Variants in TADA2B observed in about 807,000 individuals in gnomAD.
The protein encoded by TADA2B is transcriptional adaptor 2B, also known as transcriptional adapter 2-beta.
TADA2B carries 13 observed loss-of-function variants against 34.5 expected under a neutral mutation model. That is an observed-to-expected ratio of 0.38 (90% CI 0.25 to 0.60). The LOEUF (loss-of-function observed/expected upper bound fraction) is 0.60. TADA2B is among the 20% of genes least tolerant of loss of function. TADA2B has a pLI of 0.65. For synonymous variants in TADA2B, 240 were observed against 243.4 expected (o/e 0.99, Z 0.13); for missense variants, 442 against 575.0 (o/e 0.77, Z 2.37).
At chr4:7,051,285 C>T (rs1027620925) in intron 1 of TADA2B, among the ~76,000 whole-genome samples, 2 of 152,172 alleles carry the variant, frequency 1.3e-5, no homozygotes, top group Admixed American at 6.5e-5. Context: ...CGTGACCGAG[C>T]ACACGCTGTG....
chr4:7,050,646 C>T (rs1195543353), intron 1 of TADA2B, among the ~76,000 whole-genome samples: 3 of 145,078 alleles, frequency 2.1e-5, no homozygotes, highest in Non-Finnish European at 3.2e-5. Context: ...GGAGATGCTC[C>T]GGAGCCTGCA....
At position 7,043,856 on chromosome 4, in the gene TADA2B, G is replaced by C. The variant is rs190740257; in HGVS notation, c.270+7G>C. 2,597 of 1,455,290 alleles carry C rather than the reference G, an allele frequency of 1.8e-3. 47 individuals are homozygous for C. In the African/African-American group the frequency reaches 0.034, roughly 19 times the overall value. The allele number at this position is 1,455,290 out of a possible 1,614,324, so 90.1% of individuals were successfully genotyped here. On this transcript the variant is annotated splice_region_variant and intron_variant, in intron 1 of 1. Transcript: ENST00000310074. ...GTTCGGCTTCGGAAACTGGGTGAGC[G>C]GCGCGACGGGGGCCGGGTCCCGGCT...
At chr4:7,047,220 G>A (rs1332078520) in intron 1 of TADA2B, among the ~76,000 whole-genome samples, 2 of 152,204 alleles carry the variant, frequency 1.3e-5, no homozygotes, top group Admixed American at 6.5e-5. Context: ...CAGAGGAGCC[G>A]GAGCTGTTGA....
intron 1 of TADA2B, 36 bp downstream of exon 1, chr4:7,043,885 G>T: frequency 6.9e-7 from 1 of 1,448,410 alleles, no homozygotes; most frequent in Non-Finnish European, 9.1e-7. Context: ...CCCGGCTAGG[G>T]CACTGGAAGG....
intron 1 of TADA2B, among the ~76,000 whole-genome samples, chr4:7,052,013 G>C (rs957423472): frequency 2.6e-5 from 4 of 152,244 alleles, no homozygotes; most frequent in Non-Finnish European, 4.4e-5. Context: ...GACTCACCTT[G>C]TGACCTTGGG....
rs1723896398 is a variant in TADA2B at position 7,056,544 on chromosome 4, A to G, written c.*1490A>G. 1 of 152,282 alleles carries G rather than the reference A, an allele frequency of 6.6e-6. No individual in the cohort carries two copies. The highest frequency in any genetic ancestry group is 2.1e-4 in the South Asian group (1 of 4,834). 9.4% of individuals were successfully genotyped at this position (152,282 alleles called of 1,614,324 possible). A position where few individuals can be genotyped will look rare whatever the true frequency, so the allele number is the denominator to read the frequency against. On this transcript the variant is annotated 3_prime_UTR_variant, in exon 2 of 2. Transcript: ENST00000310074. Reference sequence around the variant, plus strand: ...AAAGAAAACCTCATCATTTCTAAGGATGACTTAATTACTGTGCCTTTTCCT... The same window carrying G: ...AAAGAAAACCTCATCATTTCTAAGGGTGACTTAATTACTGTGCCTTTTCCT...
intron 1 of TADA2B, among the ~76,000 whole-genome samples, chr4:7,051,035 G>A (rs1006940816): frequency 5.9e-5 from 9 of 152,142 alleles, no homozygotes; most frequent in Admixed American, 3.9e-4. Context: ...GGAAGCGCAC[G>A]GGGTGAGTGG....
At position 7,057,493 on chromosome 4, in the gene TADA2B, CTT is replaced by C. The variant is rs760779382; in HGVS notation, c.*2440_*2441del. The C allele has an allele frequency of 6.6e-6, 1 of 152,160 alleles. No homozygotes were observed. The highest frequency in any genetic ancestry group is 1.5e-5 in the Non-Finnish European group (1 of 68,034). The allele number at this position is 152,160 out of a possible 1,614,324, so 9.4% of individuals were successfully genotyped here. On this transcript the variant is annotated 3_prime_UTR_variant, in exon 2 of 2. Transcript: ENST00000310074. ...CCACCATAATCCCATGGAATTAGGT[CTT>C]GTTAAAATCTAGTCCGGGCGCAGTG...
intron 1 of TADA2B, among the ~76,000 whole-genome samples, chr4:7,044,504 A>T (rs1167103077): frequency 1.3e-5 from 2 of 152,176 alleles, no homozygotes; most frequent in Non-Finnish European, 2.9e-5. Flanking sequence ...CTGTAGAGAC[A>T]GCCCTGTGTG....
Position 7,054,587 on chromosome 4 carries a change from A to C in TADA2B, c.796A>C (p.Met266Leu). 1 of 1,613,972 alleles carries C rather than the reference A, an allele frequency of 6.2e-7. No homozygotes were observed. The highest frequency in any genetic ancestry group is 8.5e-7 in the Non-Finnish European group (1 of 1,179,894). ...RLKLRPLYQF[M>L]SCKEFDDLFE... ...GAAGCTGAGGCCGCTGTACCAGTTC[A>C]TGTCATGCAAGGAGTTTGATGACCT... The change falls in exon 2 of 2, where the codon ATG becomes CTG. Residue 266 changes from methionine (M) to leucine (L), a missense_variant. Physicochemically the swap from Met to Leu is conservative, Grantham distance 15 (BLOSUM62 2). Around this residue, in one of 4 missense-constraint regions of TADA2B, gnomAD observed 222 missense variants for 235.2 expected, o/e 0.94. Coordinates refer to ENST00000310074, the MANE Select transcript of TADA2B (RefSeq NM_152293.3).
chr4:7,050,213 C>A (rs139654345), intron 1 of TADA2B, among the ~76,000 whole-genome samples: 1 of 152,368 alleles, frequency 6.6e-6, no homozygotes, highest in Non-Finnish European at 1.5e-5. Flanking sequence ...TGTTTCTTAC[C>A]TTGCTCTGCC....
intron 1 of TADA2B, among the ~76,000 whole-genome samples, chr4:7,052,224 C>G (rs997438710): frequency 2.6e-5 from 4 of 152,262 alleles, no homozygotes; most frequent in Admixed American, 2.6e-4. Context: ...CCGGCTCTGC[C>G]CCTGCCGCCC....
chr4:7,053,956 AG>A, intron 1 of TADA2B, 105 bp from the exon 2 acceptor site: 1 of 1,316,306 alleles, frequency 7.6e-7, no homozygotes, highest in Non-Finnish European at 1.0e-6. Flanking sequence ...ACGGTGCTGT[AG>A]GAAGTACTCT....
At position 7,056,461 on chromosome 4, in the gene TADA2B, T is replaced by C. The variant is rs1236201250; in HGVS notation, c.*1407T>C. On this transcript the variant is annotated 3_prime_UTR_variant, in exon 2 of 2. Transcript: ENST00000310074. ...TCGGGCCCCGTAGGTACCAAGAGACTGTTTACCTCCCAGAATGTTTGGGCT... is the reference window on the plus strand; with the variant it reads ...TCGGGCCCCGTAGGTACCAAGAGACCGTTTACCTCCCAGAATGTTTGGGCT... 2 of 152,616 alleles carry C rather than the reference T, an allele frequency of 1.3e-5. No homozygotes were observed. Among genetic ancestry groups the C allele is most frequent in the African/African-American group, 2.4e-5 (1 of 41,450 alleles). 9.5% of individuals were successfully genotyped at this position (152,616 alleles called of 1,614,324 possible).
Position 7,050,897 on chromosome 4 carries a change from C to A in TADA2B, c.271-3165C>A, listed in dbSNP as rs192095503. ...GGGCGCGTGGCGACGGGTGTATGCT[C>A]CCAGCCACATTACCTGGTGTGGAAG... On this transcript the variant is annotated intron_variant, in intron 1 of 1. Coordinates refer to ENST00000310074, the MANE Select transcript of TADA2B (RefSeq NM_152293.3). 8.7e-4 allele frequency among the ~76,000 whole-genome samples: 133 copies of A among 152,268 alleles called. No individual in the cohort carries two copies. The Middle Eastern group carries it at 0.01, about 12-fold the overall frequency.
At position 7,054,640 on chromosome 4, in the gene TADA2B, G is replaced by T; in HGVS notation, c.849G>T (p.Met283Ile). The change falls in exon 2 of 2, where the codon ATG becomes ATT. Residue 283 changes from methionine (M) to isoleucine (I), a missense_variant. Physicochemically the swap from Met to Ile is conservative, Grantham distance 10. This residue lies in a region of TADA2B where 222 missense variants were observed against 235.2 expected (regional missense o/e 0.94). Transcript: ENST00000310074. ...DLFENMHKEK[M>I]LRAKIRELQR... ...TTGAAAACATGCACAAAGAAAAAATGCTCCGGGCCAAGATCCGAGAACTGC... is the reference window on the plus strand; with the variant it reads ...TTGAAAACATGCACAAAGAAAAAATTCTCCGGGCCAAGATCCGAGAACTGC... 1 of 1,613,908 alleles carries T rather than the reference G, an allele frequency of 6.2e-7. No homozygotes were observed. Among genetic ancestry groups the T allele is most frequent in the South Asian group, 1.1e-5 (1 of 91,086 alleles).
At position 7,043,556 on chromosome 4, in the gene TADA2B, G is replaced by A. The variant is rs1332011002; in HGVS notation, c.-24G>A. On this transcript the variant is annotated 5_prime_UTR_variant, in exon 1 of 2. Coordinates refer to ENST00000310074, the MANE Select transcript of TADA2B (RefSeq NM_152293.3). ...GGGCGCGGCGGCTGCGGCGGGCCGG[G>A]CGGCGGGCGGCGAGCGGGGGAAGAT... The A allele has an allele frequency of 2.5e-6, 3 of 1,220,398 alleles. No individual in the cohort carries two copies. The highest frequency in any genetic ancestry group is 4.1e-5 in the South Asian group (1 of 24,436). 75.6% of individuals were successfully genotyped at this position (1,220,398 alleles called of 1,614,324 possible). A position where few individuals can be genotyped will look rare whatever the true frequency, so the allele number is the denominator to read the frequency against.
Position 7,054,599 on chromosome 4 carries a change from G to C in TADA2B, c.808G>C (p.Glu270Gln). Residue 270 changes from glutamate (E) to glutamine (Q), a missense_variant, in exon 2 of 2, where the codon GAG becomes CAG. Glu to Gln is a conservative substitution (Grantham distance 29, BLOSUM62 2). Transcript: ENST00000310074. ...RPLYQFMSCK[E>Q]FDDLFENMHK... Reference sequence around the variant, plus strand: ...GCTGTACCAGTTCATGTCATGCAAGGAGTTTGATGACCTTTTTGAAAACAT... The same window carrying C: ...GCTGTACCAGTTCATGTCATGCAAGCAGTTTGATGACCTTTTTGAAAACAT... 1.2e-6 allele frequency: 2 copies of C among 1,613,958 alleles called. No homozygotes were observed. The highest frequency in any genetic ancestry group is 1.7e-6 in the Non-Finnish European group (2 of 1,179,902).
chr4:7,054,366 A>T lies in TADA2B; in HGVS notation c.575A>T (p.Tyr192Phe). Residue 192 changes from tyrosine (Y) to phenylalanine (F), a missense_variant, in exon 2 of 2, where the codon TAT becomes TTT. Transcript: ENST00000310074. Reference protein sequence around the residue: ...ETLISGLSVNYDDDDVEIELK... With the variant: ...ETLISGLSVNFDDDDVEIELK... Reference sequence around the variant, plus strand: ...CTCATCAGCGGGCTCTCTGTCAACTATGATGACGACGACGTGGAGATCGAG... The same window carrying T: ...CTCATCAGCGGGCTCTCTGTCAACTTTGATGACGACGACGTGGAGATCGAG... 1 of 1,613,600 alleles carries T rather than the reference A, an allele frequency of 6.2e-7. No homozygotes were observed.
Sources: allele counts gnomAD v4.1 joint callset (sites outside exome capture counted in the v4.1 genomes callset), GRCh38; gene constraint gnomAD v4.1.1; regional missense constraint gnomAD v4.1.1; transcripts MANE v1.5; gene names NCBI Gene and HGNC (gene_info 2026-07-23, HGNC 2026-07-21).